Variants in PIGU observed in about 807,000 individuals in gnomAD.
The protein encoded by PIGU is phosphatidylinositol glycan anchor biosynthesis class U, also known as GPI-anchor transamidase component PIGU.
PIGU carries 24 observed loss-of-function variants against 49.9 expected under a neutral mutation model. The ratio of observed to expected loss-of-function variants is 0.48; its 90% confidence interval spans 0.35 to 0.68. The LOEUF (loss-of-function observed/expected upper bound fraction) is 0.68, where lower values mean the gene tolerates loss of function less well. Among genes scored for constraint, PIGU ranks in the 30% least tolerant of loss-of-function variants. The pLI is 0.01. For missense variants in PIGU, 490 were observed against 532.6 expected, an observed-to-expected ratio of 0.92 and a Z score of 0.79; for synonymous variants, 220 against 205.7, an observed-to-expected ratio of 1.07 and a Z score of -0.59.
intron 2 of PIGU, among the ~76,000 whole-genome samples, chr20:34,651,398 T>C (rs1486926066): frequency 2.0e-5 from 3 of 152,218 alleles, no homozygotes; most frequent in African/African-American, 4.8e-5. Context: ...CACTTACAAA[T>C]TGGTAAATGC....
At chr20:34,668,398 G>A (rs1278919919) in intron 1 of PIGU, among the ~76,000 whole-genome samples, 1 of 141,488 alleles carries the variant, frequency 7.1e-6, no homozygotes, top group African/African-American at 2.6e-5. Context: ...GGAGGTGGAG[G>A]TTGCAGTGAG....
At chr20:34,601,054 A>AAG (rs397702829) in intron 7 of PIGU, among the ~76,000 whole-genome samples, 1 of 151,418 alleles carries the variant, frequency 6.6e-6, no homozygotes, top group Admixed American at 6.6e-5. Context: ...AAAAAAAAAA[A>AAG]GCAGTTCTCT....
At chr20:34,574,494 G>C (rs6142199) in intron 11 of PIGU, among the ~76,000 whole-genome samples, 124,119 of 152,056 alleles carry the variant, frequency 0.82, 51,107 homozygotes, top group Admixed American at 0.91. Flanking sequence ...CCAGCTCAGG[G>C]GAAGGCTGAG....
intron 2 of PIGU, among the ~76,000 whole-genome samples, chr20:34,647,526 C>T (rs1350196292): frequency 6.6e-6 from 1 of 151,740 alleles, no homozygotes; most frequent in Non-Finnish European, 1.5e-5. Flanking sequence ...TCCCAAAGTG[C>T]TGGGATTACA....
chr20:34,602,414 T>G (rs1027579137), intron 7 of PIGU, among the ~76,000 whole-genome samples: 2 of 151,564 alleles, frequency 1.3e-5, no homozygotes, highest in South Asian at 4.2e-4. Flanking sequence ...CTGGCCAACA[T>G]AGTGAATCCC....
At chr20:34,597,453 T>C (rs892256964) in intron 7 of PIGU, among the ~76,000 whole-genome samples, 1 of 152,184 alleles carries the variant, frequency 6.6e-6, no homozygotes, top group African/African-American at 2.4e-5. Context: ...TTCAGAACAG[T>C]TGTGTCTGAG....
intron 4 of PIGU, among the ~76,000 whole-genome samples, chr20:34,642,219 T>C (rs1381834328): frequency 6.6e-6 from 1 of 152,084 alleles, no homozygotes; most frequent in Non-Finnish European, 1.5e-5. Context: ...TTAAAAACTG[T>C]TTTGTTTTGA....
intron 5 of PIGU, 108 bp from the exon 6 acceptor site, chr20:34,634,823 C>A (rs1191202162): frequency 2.1e-6 from 3 of 1,460,260 alleles, no homozygotes; most frequent in Non-Finnish European, 2.7e-6. Context: ...CAAAGGAAGG[C>A]AGCTTCTCAG....
chr20:34,616,162 G>A, intron 6 of PIGU, 23 bp from the exon 7 acceptor site: 1 of 1,609,634 alleles, frequency 6.2e-7, no homozygotes, highest in Non-Finnish European at 8.5e-7. Flanking sequence ...AGAAATGTAT[G>A]GAATAATCCA....
chr20:34,576,094 G>T (rs1351959080), intron 10 of PIGU, among the ~76,000 whole-genome samples: 1 of 152,094 alleles, frequency 6.6e-6, no homozygotes, highest in African/African-American at 2.4e-5. Context: ...TAAAAATTAG[G>T]GTGGGCATGG....
At chr20:34,577,860 G>A (rs1317936889) in intron 10 of PIGU, among the ~76,000 whole-genome samples, 1 of 152,188 alleles carries the variant, frequency 6.6e-6, no homozygotes, top group African/African-American at 2.4e-5. Flanking sequence ...AGTCGAGGCT[G>A]CGAACCACTG....
chr20:34,612,742 C>T (rs1418857196), intron 7 of PIGU, among the ~76,000 whole-genome samples: 1 of 151,580 alleles, frequency 6.6e-6, no homozygotes, highest in African/African-American at 2.4e-5. Context: ...CCTGCCTCTG[C>T]CTCCCGAGTA....
chr20:34,581,652 A>G lies in PIGU; in HGVS notation c.947T>C (p.Met316Thr). The G allele has an allele frequency of 6.2e-7, 1 of 1,613,504 alleles. No homozygotes were observed. Among genetic ancestry groups the G allele is most frequent in the South Asian group, 1.1e-5 (1 of 91,052 alleles). Residue 316 changes from methionine to threonine, a missense_variant, in exon 10 of 12, where the codon ATG (methionine) becomes ACG (threonine). By Grantham distance (81) the Met-to-Thr change is moderately conservative. Transcript: ENST00000217446. Reference sequence around the variant, plus strand: ...GGCGATGACAGCGATCTGGATAAACATGAAGAAGATGGGGTGCTCCCTGGG... The same window carrying G: ...GGCGATGACAGCGATCTGGATAAACGTGAAGAAGATGGGGTGCTCCCTGGG... ...IKLKEHPIFFMFIQIAVIAIF... is the reference protein window; with the variant it reads ...IKLKEHPIFFTFIQIAVIAIF...
intron 7 of PIGU, among the ~76,000 whole-genome samples, chr20:34,615,734 T>C (rs907453019): frequency 2.0e-5 from 3 of 152,164 alleles, no homozygotes; most frequent in African/African-American, 7.2e-5. Flanking sequence ...CACTTAGTAG[T>C]TGTCTCAGTT....
intron 7 of PIGU, among the ~76,000 whole-genome samples, chr20:34,599,850 G>A (rs1984348892): frequency 6.6e-6 from 1 of 152,114 alleles, no homozygotes; most frequent in South Asian, 2.1e-4. Context: ...TACACACATA[G>A]CTCTACTCTG....
At chr20:34,653,408 T>C (rs999523117) in intron 2 of PIGU, among the ~76,000 whole-genome samples, 2 of 152,252 alleles carry the variant, frequency 1.3e-5, no homozygotes, top group African/African-American at 4.8e-5. Context: ...CTTCATATAT[T>C]TTGAAGCTCT....
intron 6 of PIGU, among the ~76,000 whole-genome samples, chr20:34,631,087 T>C (rs1362564610): frequency 1.3e-5 from 2 of 149,790 alleles, no homozygotes; most frequent in African/African-American, 4.9e-5. Flanking sequence ...AAACTGAAAA[T>C]ATATATGTAT....
chr20:34,641,641 G>C (rs1270436849), intron 4 of PIGU, among the ~76,000 whole-genome samples: 1 of 152,126 alleles, frequency 6.6e-6, no homozygotes, highest in Non-Finnish European at 1.5e-5. Flanking sequence ...AGTTCTCCCA[G>C]ATGCATCTGT....
chr20:34,650,704 T>C (rs1333218949), intron 2 of PIGU, among the ~76,000 whole-genome samples: 2 of 28,682 alleles, frequency 7.0e-5, no homozygotes, highest in African/African-American at 3.1e-4. Flanking sequence ...TTTTCTCTTT[T>C]TTTTTTTTTT....
Sources: allele counts gnomAD v4.1 joint callset (sites outside exome capture counted in the v4.1 genomes callset), GRCh38; gene constraint gnomAD v4.1.1; transcripts MANE v1.5; gene names NCBI Gene and HGNC (gene_info 2026-07-23, HGNC 2026-07-21).